The following HUWE1 variants were observed in gnomAD, a reference collection of about 807,000 sequenced individuals.
The protein encoded by HUWE1 is HECT, UBA and WWE domain containing E3 ubiquitin protein ligase 1.
In HUWE1, 18 loss-of-function variants were observed where a neutral mutation model predicts 299.4. The ratio of observed to expected loss-of-function variants is 0.06; its 90% confidence interval spans 0.04 to 0.09. HUWE1 has a LOEUF of 0.09. Ranked by LOEUF, HUWE1 falls within the 10% of genes least tolerant of loss-of-function variation. The probability of loss-of-function intolerance (pLI) is 1.00; values close to 1 mark genes in which losing one functional copy is unlikely to be tolerated. For missense variants in HUWE1, 1,832 were observed against 3,462.3 expected, an observed-to-expected ratio of 0.53 and a Z score of 11.82; for synonymous variants, 1,317 against 1,286.1, an observed-to-expected ratio of 1.02 and a Z score of -0.51.
chrX:53,550,713 C>A lies in HUWE1; in HGVS notation c.9441G>T (p.Val3147=). 3.3e-6 allele frequency: 4 copies of A among 1,211,827 alleles called. No individual in the cohort carries two copies. The highest frequency in any genetic ancestry group is 2.3e-4 in the Middle Eastern group (1 of 4,343). The change falls in exon 66 of 84, where the codon GTG becomes GTT. Residue 3147 remains valine (V), a synonymous_variant. Transcript: ENST00000262854. ...NRGVQYTRLA[V]QRGGTFQMGG... ...CCATCTGGAAGGTGCCACCTCTCTGCACAGCAAGGCGAGTATACTGGACCC... is the reference window on the plus strand; with the variant it reads ...CCATCTGGAAGGTGCCACCTCTCTGAACAGCAAGGCGAGTATACTGGACCC...
chrX:53,613,413 T>C (rs1253244469), intron 23 of HUWE1, among the ~76,000 whole-genome samples: 1 of 111,754 alleles, frequency 8.9e-6, no homozygotes, highest in African/African-American at 3.3e-5. Flanking sequence ...AATGCATTCA[T>C]AGCTGTGCCT....
intron 59 of HUWE1, 135 bp from the exon 60 acceptor site, chrX:53,557,562 C>G (rs2062079757): frequency 7.5e-6 from 4 of 535,163 alleles, no homozygotes; most frequent in Non-Finnish European, 1.3e-5. Context: ...GGCCATGTGA[C>G]CAAAGGAAGG....
chrX:53,551,217 C>T (rs782061742), intron 64 of HUWE1, 28 bp from the exon 65 acceptor site: 20 of 1,209,362 alleles, frequency 1.7e-5, no homozygotes, highest in Non-Finnish European at 1.9e-5. Context: ...TCAATGAGGG[C>T]ATTTCTCCTG....
At chrX:53,596,469 C>G (rs1433159971) in intron 29 of HUWE1, among the ~76,000 whole-genome samples, 1 of 112,215 alleles carries the variant, frequency 8.9e-6, no homozygotes, top group Non-Finnish European at 1.9e-5. Context: ...TATGCACATA[C>G]ACTTATACAC....
intron 3 of HUWE1, among the ~76,000 whole-genome samples, chrX:53,657,916 G>T (rs913785122): frequency 9.2e-6 from 1 of 108,149 alleles, no homozygotes; most frequent in African/African-American, 3.4e-5. Flanking sequence ...AGGCGTGGTG[G>T]CGGGCGCCTG....
intron 26 of HUWE1, 30 bp downstream of exon 26, chrX:53,604,559 T>A (rs782445757): frequency 1.7e-6 from 2 of 1,204,535 alleles, no homozygotes; most frequent in Admixed American, 2.2e-5. Flanking sequence ...GCCTTTAAAT[T>A]AATATGTTCA....
intron 17 of HUWE1, chrX:53,625,897 G>T (rs1246752231): frequency 1.4e-4 from 49 of 345,361 alleles, no homozygotes; most frequent in African/African-American, 5.5e-4. Context: ...CCGGTGCCGG[G>T]GCCGGGACTG....
At chrX:53,631,319 A>AT (rs2149060932) in intron 11 of HUWE1, 95 bp downstream of exon 11, 1 of 705,317 alleles carries the variant, frequency 1.4e-6, no homozygotes, top group South Asian at 2.4e-5. Context: ...CAAAGCTGAC[A>AT]TTCTTTCTGC....
At chrX:53,544,153 G>A (rs2061461003) in intron 72 of HUWE1, among the ~76,000 whole-genome samples, 185 bp from the exon 73 acceptor site, 1 of 112,652 alleles carries the variant, frequency 8.9e-6, no homozygotes, top group Non-Finnish European at 1.9e-5. Context: ...AAGGGCAGGG[G>A]GCATGATGCT....
intron 22 of HUWE1, among the ~76,000 whole-genome samples, chrX:53,615,220 A>T (rs1300385868): frequency 2.7e-5 from 3 of 110,285 alleles, no homozygotes; most frequent in Non-Finnish European, 5.7e-5. Flanking sequence ...ATGGAAAAAA[A>T]TTTTTAAGGA....
intron 47 of HUWE1, among the ~76,000 whole-genome samples, chrX:53,573,199 A>ACT (rs782441007): frequency 7.2e-5 from 8 of 110,899 alleles, no homozygotes; most frequent in Admixed American, 1.9e-4. Context: ...AATCTCATTA[A>ACT]CTCTCTCTCT....
intron 2 of HUWE1, 48 bp downstream of exon 2, chrX:53,686,222 G>C (rs2070423086): frequency 8.8e-6 from 1 of 113,097 alleles, no homozygotes; most frequent in Non-Finnish European, 1.9e-5. Flanking sequence ...TGAAGGCCCG[G>C]CCTCTACTCT....
chrX:53,603,864 G>A (rs147517501), intron 26 of HUWE1, among the ~76,000 whole-genome samples: 1,289 of 112,033 alleles, frequency 0.012, 22 homozygotes, highest in African/African-American at 0.04. Context: ...ACTTCAGTAA[G>A]TACCTAGATT....
chrX:53,648,242 C>T lies in HUWE1; in HGVS notation c.114G>A (p.Leu38=). Reference sequence around the variant, plus strand: ...CAATGTTCCATGTTTTGATCTGCTGCAGTTCCAAGAGAAGTTGCTCATCAT... The same window carrying T: ...CAATGTTCCATGTTTTGATCTGCTGTAGTTCCAAGAGAAGTTGCTCATCAT... The part of the protein sequence containing the change: ...VCNDEQLLLE[L]QQIKTWNIGK... The change falls in exon 5 of 84, where the codon CTG becomes CTA. Residue 38 remains leucine, a synonymous_variant. Coordinates refer to ENST00000262854, the MANE Select transcript of HUWE1 (RefSeq NM_031407.7). 8.3e-7 allele frequency: 1 copy of T among 1,202,774 alleles called. No homozygotes were observed. The highest frequency in any genetic ancestry group is 3.0e-5 in the East Asian group (1 of 33,829).
intron 66 of HUWE1, among the ~76,000 whole-genome samples, chrX:53,550,172 G>A (rs1556927415): frequency 9.0e-6 from 1 of 111,518 alleles, no homozygotes; most frequent in African/African-American, 3.3e-5. Flanking sequence ...TCCATCGACT[G>A]GTAAAATCTG....
chrX:53,576,540 A>G (rs1477687011), intron 44 of HUWE1, among the ~76,000 whole-genome samples: 2 of 111,882 alleles, frequency 1.8e-5, no homozygotes, highest in Non-Finnish European at 3.8e-5. Flanking sequence ...GAATGCTATT[A>G]TCTCCTTCTA....
Position 53,600,316 on chromosome X carries a change from A to C in HUWE1, c.2972-7T>G, listed in dbSNP as rs1484484332. The C allele has an allele frequency of 8.5e-7, 1 of 1,180,656 alleles. No individual in the cohort carries two copies. Among genetic ancestry groups the C allele is most frequent in the African/African-American group, 1.8e-5 (1 of 56,564 alleles). On this transcript the variant is annotated splice_polypyrimidine_tract_variant and splice_region_variant and intron_variant, in intron 28 of 83. Transcript: ENST00000262854. ...GCTCCATCCTGTTCCCCATCTACAGATGTATAAGAGGGGAGCAATAGGACA... is the reference window on the plus strand; with the variant it reads ...GCTCCATCCTGTTCCCCATCTACAGCTGTATAAGAGGGGAGCAATAGGACA...
At position 53,600,328 on chromosome X, in the gene HUWE1, G is replaced by C. The variant is rs781835994; in HGVS notation, c.2972-19C>G. 2.7e-6 allele frequency: 3 copies of C among 1,114,898 alleles called. No homozygotes were observed. The highest frequency in any genetic ancestry group is 3.7e-6 in the Non-Finnish European group (3 of 815,441). 91.9% of individuals were successfully genotyped at this position (1,114,898 alleles called of 1,213,427 possible). A position where few individuals can be genotyped will look rare whatever the true frequency, so the allele number is the denominator to read the frequency against. On this transcript the variant is annotated intron_variant, in intron 28 of 83. Transcript: ENST00000262854. Reference sequence around the variant, plus strand: ...TCCCCATCTACAGATGTATAAGAGGGGAGCAATAGGACAATGTAGAGCCAA... The same window carrying C: ...TCCCCATCTACAGATGTATAAGAGGCGAGCAATAGGACAATGTAGAGCCAA...
intron 43 of HUWE1, among the ~76,000 whole-genome samples, chrX:53,578,743 C>A (rs1735899040): frequency 1.4e-5 from 1 of 69,546 alleles, no homozygotes; most frequent in Non-Finnish European, 2.8e-5. Context: ...TCTGCCCGGC[C>A]GCCCCTACTG....
Sources: gnomAD v4.1 joint callset for allele counts (sites outside exome capture counted in the v4.1 genomes callset) on GRCh38, gnomAD v4.1.1 for gene constraint, MANE v1.5 for transcripts, NCBI Gene and HGNC (gene_info 2026-07-23, HGNC 2026-07-21) for gene names.